The following SRD5A2 variants were observed in gnomAD, a reference collection of about 807,000 sequenced individuals.
SRD5A2 encodes steroid 5 alpha-reductase 2.
In SRD5A2, 30 loss-of-function variants were observed where a neutral mutation model predicts 27.4. The observed-to-expected ratio is 1.10, with a 90% confidence interval of 0.82 to 1.49. The LOEUF (loss-of-function observed/expected upper bound fraction) is 1.49, where lower values mean the gene tolerates loss of function less well. Among genes scored for constraint, SRD5A2 ranks in the 40% most tolerant of loss-of-function variants. The probability of loss-of-function intolerance (pLI) is 0.00; values close to 1 mark genes in which losing one functional copy is unlikely to be tolerated. For missense variants in SRD5A2, 348 were observed against 323.4 expected, an observed-to-expected ratio of 1.08 and a Z score of -0.58; for synonymous variants, 141 against 133.6, an observed-to-expected ratio of 1.06 and a Z score of -0.38.
At chr2:31,585,043 T>C (rs550671528), upstream of SRD5A2, among the ~76,000 whole-genome samples, 44 of 152,260 alleles carry the variant, frequency 2.9e-4, no homozygotes, top group Non-Finnish European at 7.4e-5. Context: ...TGTTGTCCTG[T>C]TACAGCAAAA....
intron 1 of SRD5A2, among the ~76,000 whole-genome samples, chr2:31,562,810 C>G (rs1344283913): frequency 6.6e-6 from 1 of 152,070 alleles, no homozygotes. Context: ...TGCACATGTA[C>G]CCCCTGAATT....
the SRD5A2 span, among the ~76,000 whole-genome samples, chr2:31,626,817 AT>A: frequency 2.2e-4 from 33 of 150,498 alleles, no homozygotes; most frequent in East Asian, 5.9e-4. Flanking sequence ...CTAAAATTCT[AT>A]TTTTTTTTGA....
At chr2:31,608,867 C>T in the SRD5A2 span, among the ~76,000 whole-genome samples, 3 of 151,920 alleles carry the variant, frequency 2.0e-5, no homozygotes, top group Non-Finnish European at 2.9e-5. Context: ...TTACGTTCTA[C>T]CAAAATTTAT....
At chr2:31,574,351 C>A (rs1236390792) in intron 1 of SRD5A2, among the ~76,000 whole-genome samples, 1 of 152,202 alleles carries the variant, frequency 6.6e-6, no homozygotes, top group Non-Finnish European at 1.5e-5. Context: ...CTCCACTCTG[C>A]CCTTTCTTGC....
At chr2:31,659,739 T>C in the SRD5A2 span, among the ~76,000 whole-genome samples, 11 of 152,152 alleles carry the variant, frequency 7.2e-5, no homozygotes, top group Non-Finnish European at 1.3e-4. Context: ...ATCAATATTG[T>C]TCAAATGGCC....
chr2:31,527,386 G>A (rs112605855), intron 4 of SRD5A2, among the ~76,000 whole-genome samples: 2 of 152,160 alleles, frequency 1.3e-5, no homozygotes, highest in East Asian at 3.9e-4. Context: ...GAGAAGTCTG[G>A]TGGGCTGCCT....
At position 31,525,963 on chromosome 2, in the gene SRD5A2, T is replaced by C. The variant is rs775904213; in HGVS notation, c.*233A>G. On this transcript the variant is annotated 3_prime_UTR_variant, in exon 5 of 5. Transcript: ENST00000622030. ...ATAGCTAAGAAGCAACTGTCGCCAT[T>C]TGGAAAAGTGGCTTTTTGAAGCTTC... 4 of 401,382 alleles carry C rather than the reference T, an allele frequency of 1.0e-5. No homozygotes were observed. The highest frequency in any genetic ancestry group is 3.5e-5 in the East Asian group (1 of 28,860). 24.9% of individuals were successfully genotyped at this position (401,382 alleles called of 1,614,324 possible). A position where few individuals can be genotyped will look rare whatever the true frequency, so the allele number is the denominator to read the frequency against.
At chr2:31,587,566 C>T in the SRD5A2 span, among the ~76,000 whole-genome samples, 1 of 151,992 alleles carries the variant, frequency 6.6e-6, no homozygotes, top group Non-Finnish European at 1.5e-5. Context: ...TACTATGCAG[C>T]CATAAAAAAA....
the SRD5A2 span, among the ~76,000 whole-genome samples, chr2:31,662,275 C>T: frequency 2.0e-5 from 3 of 152,094 alleles, no homozygotes; most frequent in Non-Finnish European, 4.4e-5. Context: ...TTCTTGATCA[C>T]TCTGAACTTG....
At chr2:31,595,636 C>T in the SRD5A2 span, among the ~76,000 whole-genome samples, 3 of 152,108 alleles carry the variant, frequency 2.0e-5, no homozygotes, top group East Asian at 5.8e-4. Context: ...CAAAGAAGAA[C>T]TGGTGCCAAT....
intron 1 of SRD5A2, among the ~76,000 whole-genome samples, chr2:31,554,933 G>GTC (rs1189655574): frequency 7.3e-6 from 1 of 137,720 alleles, no homozygotes; most frequent in African/African-American, 2.7e-5. Context: ...TCGTGTGTGT[G>GTC]TGTGTGTGTG....
At chr2:31,660,560 A>G in the SRD5A2 span, among the ~76,000 whole-genome samples, 1 of 152,018 alleles carries the variant, frequency 6.6e-6, no homozygotes, top group Non-Finnish European at 1.5e-5. Flanking sequence ...AAGTTCATCA[A>G]TTGTTAATAA....
chr2:31,654,388 A>G, the SRD5A2 span, among the ~76,000 whole-genome samples: 3 of 152,180 alleles, frequency 2.0e-5, no homozygotes, highest in Admixed American at 6.5e-5. Flanking sequence ...TGGAGCAAAC[A>G]TAATAGTGGA....
the SRD5A2 span, among the ~76,000 whole-genome samples, chr2:31,618,502 G>T: frequency 1.3e-5 from 2 of 152,074 alleles, no homozygotes; most frequent in East Asian, 3.9e-4. Flanking sequence ...CTTCTAAAAA[G>T]AAAGAAATTC....
At chr2:31,599,867 A>AGGTAAC in the SRD5A2 span, among the ~76,000 whole-genome samples, 11 of 151,898 alleles carry the variant, frequency 7.2e-5, no homozygotes, top group African/African-American at 2.2e-4. Context: ...GAGGTACATG[A>AGGTAAC]GCAGGTTTGT....
chr2:31,564,988 A>G (rs1430508933), intron 1 of SRD5A2, among the ~76,000 whole-genome samples: 1 of 151,994 alleles, frequency 6.6e-6, no homozygotes, highest in African/African-American at 2.4e-5. Flanking sequence ...AAGATAATTG[A>G]CGATTTAAAC....
chr2:31,630,803 C>A, the SRD5A2 span, among the ~76,000 whole-genome samples: 2 of 152,132 alleles, frequency 1.3e-5, no homozygotes, highest in Non-Finnish European at 2.9e-5. Flanking sequence ...TCCCTTAACC[C>A]AGCAGATTTC....
upstream of SRD5A2, among the ~76,000 whole-genome samples, chr2:31,583,827 A>G (rs1177035254): frequency 6.6e-6 from 1 of 152,064 alleles, no homozygotes; most frequent in Non-Finnish European, 1.5e-5. Context: ...GTTTATATCG[A>G]CAGATCCCTA....
chr2:31,553,172 A>T (rs778104452), intron 1 of SRD5A2, among the ~76,000 whole-genome samples: 68 of 152,182 alleles, frequency 4.5e-4, no homozygotes, highest in Non-Finnish European at 5.1e-4. Context: ...AATTGATCAA[A>T]CCTAAGAAGG....
Sources: allele counts gnomAD v4.1 joint callset (sites outside exome capture counted in the v4.1 genomes callset), GRCh38; gene constraint gnomAD v4.1.1; transcripts MANE v1.5; gene names NCBI Gene and HGNC (gene_info 2026-07-23, HGNC 2026-07-21).